The following SRSF11 variants were observed in gnomAD, a reference collection of about 807,000 sequenced individuals.
SRSF11 encodes the protein serine/arginine-rich splicing factor 11.
In SRSF11, 9 loss-of-function variants were observed where a neutral mutation model predicts 56.0. That is an observed-to-expected ratio of 0.16 (90% CI 0.10 to 0.28). The LOEUF (loss-of-function observed/expected upper bound fraction) is 0.28, where lower values mean the gene tolerates loss of function less well. SRSF11 is among the 10% of genes least tolerant of loss of function. The probability of loss-of-function intolerance (pLI) is 1.00; values close to 1 mark genes in which losing one functional copy is unlikely to be tolerated. For missense variants in SRSF11, 421 were observed against 600.7 expected, an observed-to-expected ratio of 0.70 and a Z score of 3.13; for synonymous variants, 222 against 215.3, an observed-to-expected ratio of 1.03 and a Z score of -0.27.
chr1:70,237,746 A>G (rs1674441821), intron 6 of SRSF11, among the ~76,000 whole-genome samples, 194 bp downstream of exon 6: 1 of 152,214 alleles, frequency 6.6e-6, no homozygotes, highest in African/African-American at 2.4e-5. Context: ...CTGCATCTAG[A>G]GGGCAAAGGA....
intron 1 of SRSF11, among the ~76,000 whole-genome samples, chr1:70,224,856 A>G (rs1671426199): frequency 6.6e-6 from 1 of 152,196 alleles, no homozygotes; most frequent in Non-Finnish European, 1.5e-5. Context: ...TGAAATGCGT[A>G]CTGGAAATGC....
In SRSF11 at chr1:70,221,852, C is replaced by T; in HGVS notation, c.203+13C>T. 2 of 1,613,574 alleles carry T rather than the reference C, an allele frequency of 1.2e-6. No individual in the cohort carries two copies. Among genetic ancestry groups the T allele is most frequent in the South Asian group, 1.1e-5 (1 of 91,040 alleles). On this transcript the variant is annotated intron_variant, in intron 1 of 11. Coordinates refer to ENST00000370949, the MANE Select transcript of SRSF11 (RefSeq NM_001350605.2). ...TCTTCCCGCCGGAGTGAGTATCGTCCACCATCACTGTTCCTGCTAACGCCG... is the reference window on the plus strand; with the variant it reads ...TCTTCCCGCCGGAGTGAGTATCGTCTACCATCACTGTTCCTGCTAACGCCG...
intron 2 of SRSF11, chr1:70,230,080 C>A: frequency 1.0e-6 from 1 of 984,998 alleles, no homozygotes; most frequent in Non-Finnish European, 1.2e-6. Flanking sequence ...TTTTGGTTAG[C>A]CTGTAAATTT....
intron 1 of SRSF11, chr1:70,222,723 T>C (rs1039531120): frequency 9.2e-5 from 14 of 152,198 alleles, no homozygotes; most frequent in Admixed American, 9.2e-4. Flanking sequence ...TCAGTAAATA[T>C]CATATATTGA....
chr1:70,227,639 T>C (rs539415554), intron 1 of SRSF11, among the ~76,000 whole-genome samples: 2 of 152,346 alleles, frequency 1.3e-5, no homozygotes, highest in South Asian at 4.1e-4. Context: ...AAATTTGAGC[T>C]ACCCTGTAAC....
intron 1 of SRSF11, among the ~76,000 whole-genome samples, chr1:70,227,695 T>A (rs896591281): frequency 6.6e-6 from 1 of 152,242 alleles, no homozygotes; most frequent in Non-Finnish European, 1.5e-5. Context: ...CTGTCTTACT[T>A]ACACTGCCAT....
chr1:70,229,161 C>T (rs906734932), intron 2 of SRSF11: 2 of 1,280,506 alleles, frequency 1.6e-6, no homozygotes, highest in Non-Finnish European at 2.0e-6. Flanking sequence ...TAGAATATCT[C>T]TAAATAATAA....
chr1:70,244,446 A>G (rs1676276233), intron 7 of SRSF11, among the ~76,000 whole-genome samples: 1 of 152,300 alleles, frequency 6.6e-6, no homozygotes, highest in East Asian at 1.9e-4. Flanking sequence ...AGAAGGACCT[A>G]TCTGACAGGT....
chr1:70,248,694 A>G (rs1677295128), intron 9 of SRSF11: 1 of 152,086 alleles, frequency 6.6e-6, no homozygotes, highest in South Asian at 2.1e-4. Flanking sequence ...GCTTTATATA[A>G]TGTACTTGTA....
At chr1:70,222,329 C>A (rs1670832930) in intron 1 of SRSF11, among the ~76,000 whole-genome samples, 2 of 152,080 alleles carry the variant, frequency 1.3e-5, no homozygotes, top group Admixed American at 6.5e-5. Context: ...AGATCATATT[C>A]TTTTTGACAG....
At chr1:70,217,935 A>G (rs1178141970), upstream of SRSF11, among the ~76,000 whole-genome samples, 2 of 152,094 alleles carry the variant, frequency 1.3e-5, no homozygotes, top group Non-Finnish European at 2.9e-5. Context: ...AATTTTCTCA[A>G]ATCACATGCT....
At chr1:70,241,225 GA>G (rs1675314742) in intron 7 of SRSF11, among the ~76,000 whole-genome samples, 1 of 152,178 alleles carries the variant, frequency 6.6e-6, no homozygotes, top group African/African-American at 2.4e-5. Context: ...CAGGATTTTT[GA>G]AAGAGCAGTG....
intron 7 of SRSF11, among the ~76,000 whole-genome samples, chr1:70,241,404 G>A (rs548322217): frequency 1.7e-3 from 256 of 152,182 alleles, no homozygotes; most frequent in South Asian, 2.7e-3. Flanking sequence ...GGGTTATCCT[G>A]TATGCTATGT....
Position 70,250,860 on chromosome 1 carries a change from G to T in SRSF11, c.*55G>T. On this transcript the variant is annotated 3_prime_UTR_variant, in exon 12 of 12. Transcript: ENST00000370949. Reference sequence around the variant, plus strand: ...ACCTGCATCAGTGTCATTCCTTTGTGTGATTTCTTAATGCTGTATTTGTTC... The same window carrying T: ...ACCTGCATCAGTGTCATTCCTTTGTTTGATTTCTTAATGCTGTATTTGTTC... The T allele has an allele frequency of 6.7e-7, 1 of 1,491,346 alleles. No individual in the cohort carries two copies. Among genetic ancestry groups the T allele is most frequent in the Admixed American group, 1.7e-5 (1 of 59,180 alleles). The allele number at this position is 1,491,346 out of a possible 1,614,324, so 92.4% of individuals were successfully genotyped here. A position where few individuals can be genotyped will look rare whatever the true frequency, so the allele number is the denominator to read the frequency against.
At chr1:70,249,586 T>C (rs2101030557) in intron 9 of SRSF11, 1 of 175,750 alleles carries the variant, frequency 5.7e-6, no homozygotes, top group East Asian at 1.5e-4. Flanking sequence ...AGACAGGGTC[T>C]CTCTCTGTTG....
intron 5 of SRSF11, among the ~76,000 whole-genome samples, chr1:70,236,501 T>G (rs1347123394): frequency 6.6e-6 from 1 of 152,016 alleles, no homozygotes; most frequent in Non-Finnish European, 1.5e-5. Context: ...CGGCTAATTT[T>G]TTGTACTTTT....
intron 1 of SRSF11, among the ~76,000 whole-genome samples, chr1:70,207,532 A>T (rs1669157606): frequency 6.6e-6 from 1 of 151,298 alleles, no homozygotes; most frequent in Non-Finnish European, 1.5e-5. Context: ...TTTTTTTTTT[A>T]ATCCTGTAAT....
In SRSF11 at chr1:70,239,440, TAAG is replaced by T. The variant is rs2100862882; in HGVS notation, c.723_725del (p.Lys242del). ...AGGTTCCTTTTCTTTTAAATATAGA[TAAG>T]AAAGAAGAAAAAAGAAGGCATTCAA... On this transcript the variant is annotated inframe_deletion and splice_region_variant, in exon 7 of 12. Coordinates refer to ENST00000370949, the MANE Select transcript of SRSF11 (RefSeq NM_001350605.2). The T allele has an allele frequency of 6.3e-7, 1 of 1,598,272 alleles. No homozygotes were observed.
chr1:70,246,807 T>C lies in SRSF11; in HGVS notation c.933-11T>C, dbSNP rs376077128. ...CTTCTAATGCATTCATAAATTGTGTTCATTTGTTAGAGACAAAAAGAAAGA... is the reference window on the plus strand; with the variant it reads ...CTTCTAATGCATTCATAAATTGTGTCCATTTGTTAGAGACAAAAAGAAAGA... On this transcript the variant is annotated splice_polypyrimidine_tract_variant and intron_variant, in intron 8 of 11. Coordinates refer to ENST00000370949, the MANE Select transcript of SRSF11 (RefSeq NM_001350605.2). The C allele has an allele frequency of 4.5e-5, 71 of 1,588,708 alleles. No individual in the cohort carries two copies. The highest frequency in any genetic ancestry group is 5.9e-5 in the Non-Finnish European group (69 of 1,164,712).
Sources: gnomAD v4.1 joint callset for allele counts (sites outside exome capture counted in the v4.1 genomes callset) on GRCh38, gnomAD v4.1.1 for gene constraint, MANE v1.5 for transcripts, NCBI Gene and HGNC (gene_info 2026-07-23, HGNC 2026-07-21) for gene names.